MYO1B: variants seen among roughly 807,000 people sequenced by gnomAD.
MYO1B encodes the protein unconventional myosin-Ib.
In MYO1B, 72 loss-of-function variants were observed where a neutral mutation model predicts 159.7. The ratio of observed to expected loss-of-function variants is 0.45; its 90% confidence interval spans 0.37 to 0.55. The LOEUF is 0.55. Ranked by LOEUF, MYO1B falls within the 20% of genes least tolerant of loss-of-function variation. The pLI is 0.00. For synonymous variants in MYO1B, 468 were observed against 473.8 expected, an observed-to-expected ratio of 0.99 and a Z score of 0.16; for missense variants, 1,062 against 1,364.8, an observed-to-expected ratio of 0.78 and a Z score of 3.50.
chr2:191,352,384 T>C (rs769944245), intron 7 of MYO1B, among the ~76,000 whole-genome samples: 14 of 152,340 alleles, frequency 9.2e-5, no homozygotes, highest in Admixed American at 3.9e-4. Flanking sequence ...ACAGAACTTA[T>C]AGCTGAACAT....
chr2:191,325,857 C>G (rs1370334354), intron 3 of MYO1B, among the ~76,000 whole-genome samples: 1 of 151,962 alleles, frequency 6.6e-6, no homozygotes, highest in Non-Finnish European at 1.5e-5. Flanking sequence ...CAGATGAGCC[C>G]CAAACCAAAC....
chr2:191,412,621 TCTTC>T (rs1462210903), intron 27 of MYO1B, among the ~76,000 whole-genome samples: 1 of 152,250 alleles, frequency 6.6e-6, no homozygotes, highest in African/African-American at 2.4e-5. Context: ...CGTGGATTTT[TCTTC>T]CCTTATCCTC....
At chr2:191,275,633 C>T (rs544523324) in intron 1 of MYO1B, among the ~76,000 whole-genome samples, 4 of 152,246 alleles carry the variant, frequency 2.6e-5, no homozygotes, top group Admixed American at 2.6e-4. Context: ...CGAAGTGACT[C>T]CTTAATAGGA....
intron 2 of MYO1B, among the ~76,000 whole-genome samples, chr2:191,281,360 C>T (rs540476887): frequency 6.6e-6 from 1 of 152,306 alleles, no homozygotes; most frequent in East Asian, 1.9e-4. Context: ...CTGCAACACA[C>T]AGGGTCAGAG....
intron 3 of MYO1B, among the ~76,000 whole-genome samples, chr2:191,307,977 A>G (rs1287035014): frequency 3.3e-5 from 5 of 151,990 alleles, no homozygotes; most frequent in Non-Finnish European, 7.4e-5. Context: ...CATCTCCCCA[A>G]AAAAACAGAA....
intron 3 of MYO1B, among the ~76,000 whole-genome samples, chr2:191,327,698 A>G (rs1475795824): frequency 6.6e-6 from 1 of 152,240 alleles, no homozygotes; most frequent in Admixed American, 6.5e-5. Context: ...AGCTTGAGCA[A>G]GGCTTTGGTT....
At chr2:191,369,780 A>G in intron 12 of MYO1B, 152 bp downstream of exon 12, 1 of 659,506 alleles carries the variant, frequency 1.5e-6, no homozygotes. Flanking sequence ...TAAGATTGAA[A>G]TTTGTCAGGG....
rs1012296363 is a variant in MYO1B at position 191,414,389 on chromosome 2, C to T, written c.3007-128C>T. ...AACATATTATTTATGTTCTTTACTG[C>T]GTTCTTGGTTTACATAGGTATGTTT... On this transcript the variant is annotated intron_variant, in intron 28 of 30. Coordinates refer to ENST00000392318, the MANE Select transcript of MYO1B (RefSeq NM_001130158.3). 55 of 1,042,002 alleles carry T rather than the reference C, an allele frequency of 5.3e-5. 1 individual carries two copies. In the South Asian group the frequency reaches 5.4e-4, roughly 10 times the overall value. 64.5% of individuals were successfully genotyped at this position (1,042,002 alleles called of 1,614,324 possible). A position where few individuals can be genotyped will look rare whatever the true frequency, so the allele number is the denominator to read the frequency against.
At chr2:191,338,388 A>G (rs994709382) in intron 4 of MYO1B, among the ~76,000 whole-genome samples, 1 of 152,212 alleles carries the variant, frequency 6.6e-6, no homozygotes, top group African/African-American at 2.4e-5. Flanking sequence ...AAAGTTAATA[A>G]AGTGATTCTT....
chr2:191,318,105 A>G (rs1307160548), intron 3 of MYO1B, among the ~76,000 whole-genome samples: 1 of 152,218 alleles, frequency 6.6e-6, no homozygotes, highest in East Asian at 1.9e-4. Context: ...AAACAAAAAA[A>G]GTCTCCCAAA....
In MYO1B at chr2:191,363,760, T is replaced by C. The variant is rs1693826500; in HGVS notation, c.798T>C (p.His266=). Residue 266 remains histidine (H), a synonymous_variant, in exon 10 of 31, where the codon CAT becomes CAC. Coordinates refer to ENST00000392318, the MANE Select transcript of MYO1B (RefSeq NM_001130158.3). ...TGCAGATTGTGGGCTTTATGGATCA[T>C]GAAGCTGAGTCTGTCTTGGCGGTGG... ...NAMQIVGFMD[H]EAESVLAVVA... 1 of 1,613,872 alleles carries C rather than the reference T, an allele frequency of 6.2e-7. No individual in the cohort carries two copies. The highest frequency in any genetic ancestry group is 8.5e-7 in the Non-Finnish European group (1 of 1,179,902).
In MYO1B at chr2:191,386,014, A is replaced by G. The variant is rs776844999; in HGVS notation, c.1484A>G (p.Lys495Arg). 7.4e-6 allele frequency: 12 copies of G among 1,614,028 alleles called. No individual in the cohort carries two copies. The African/African-American group carries it at 1.1e-4, about 14-fold the overall frequency. The stretch of plus-strand genomic sequence containing the variant: ...CAGCATTTTGAGAGCAGGATGAGCA[A>G]GTGCTCTCGGTTCCTCAATGACACG... ...THQHFESRMS[K>R]CSRFLNDTSL... Residue 495 changes from lysine to arginine, a missense_variant, in exon 16 of 31, where the codon AAG (lysine) becomes AGG (arginine). Physicochemically the swap from Lys to Arg is conservative, Grantham distance 26. Coordinates refer to ENST00000392318, the MANE Select transcript of MYO1B (RefSeq NM_001130158.3).
intron 4 of MYO1B, 44 bp downstream of exon 4, chr2:191,330,073 C>G: frequency 6.5e-7 from 1 of 1,543,332 alleles, no homozygotes; most frequent in Non-Finnish European, 8.9e-7. Flanking sequence ...AAATGCTGCA[C>G]AGAATGACAA....
chr2:191,279,435 T>C lies in MYO1B; in HGVS notation c.135+2405T>C, dbSNP rs187477273. Among the ~76,000 whole-genome samples the C allele has an allele frequency of 1.2e-4, 19 of 152,216 alleles. No homozygotes were observed. The East Asian group carries it at 3.7e-3, about 29-fold the overall frequency. ...CCTTCAGGTACCATAGTGGGGTGGG[T>C]TGGGATAGGGCATGGGGACAGGGAA... On this transcript the variant is annotated intron_variant, in intron 2 of 30. Coordinates refer to ENST00000392318, the MANE Select transcript of MYO1B (RefSeq NM_001130158.3).
At position 191,279,625 on chromosome 2, in the gene MYO1B, C is replaced by G. The variant is rs17619113; in HGVS notation, c.135+2595C>G. Among the ~76,000 whole-genome samples the G allele has an allele frequency of 2.8e-3, 431 of 152,278 alleles. 7 individuals carry two copies. The highest frequency in any genetic ancestry group is 0.023 in the East Asian group (118 of 5,184). On this transcript the variant is annotated intron_variant, in intron 2 of 30. Coordinates refer to ENST00000392318, the MANE Select transcript of MYO1B (RefSeq NM_001130158.3). ...ATTTCTGGCTCTTATCCTGATAATA[C>G]TCCTGCTTTGCCTTTGTTCATGGGT... is the stretch of plus-strand genomic sequence containing the variant.
At chr2:191,400,721 C>T in intron 22 of MYO1B, 28 bp from the exon 23 acceptor site, 1 of 1,611,524 alleles carries the variant, frequency 6.2e-7, no homozygotes, top group East Asian at 2.2e-5. Flanking sequence ...TTAAACTTTT[C>T]TGTAACTCCT....
intron 21 of MYO1B, among the ~76,000 whole-genome samples, chr2:191,399,034 C>A (rs1169518502): frequency 7.2e-5 from 11 of 152,214 alleles, no homozygotes; most frequent in Non-Finnish European, 1.3e-4. Context: ...GAGGCCGAGG[C>A]TGGCGGATCA....
rs370736197 is a variant in MYO1B, at chr2:191,405,827, T to C, written c.2557-2288T>C. On this transcript the variant is annotated intron_variant, in intron 24 of 30. Transcript: ENST00000392318. ...GCACACAGGCGGAGTAGATTTAGCA[T>C]AATTCCTAAGCTGTAGGATTTTTAT... is the stretch of plus-strand genomic sequence containing the variant. Among the ~76,000 whole-genome samples the C allele has an allele frequency of 2.7e-3, 419 of 152,392 alleles. 1 individual carries two copies. The highest frequency in any genetic ancestry group is 9.4e-3 in the East Asian group (49 of 5,194).
chr2:191,393,632 A>G (rs964132796), intron 20 of MYO1B, among the ~76,000 whole-genome samples: 1 of 152,158 alleles, frequency 6.6e-6, no homozygotes, highest in Non-Finnish European at 1.5e-5. Context: ...GCTATTCTTT[A>G]TTGTAGCAGC....
Sources: gnomAD v4.1 joint callset for allele counts (sites outside exome capture counted in the v4.1 genomes callset) on GRCh38, gnomAD v4.1.1 for gene constraint, MANE v1.5 for transcripts, NCBI Gene and HGNC (gene_info 2026-07-23, HGNC 2026-07-21) for gene names.